The following INPP5D variants were observed in gnomAD, a reference collection of about 807,000 sequenced individuals.
INPP5D encodes phosphatidylinositol 3,4,5-trisphosphate 5-phosphatase 1.
In INPP5D, 33 loss-of-function variants were observed where a neutral mutation model predicts 122.9. The ratio of observed to expected loss-of-function variants is 0.27; its 90% CI spans 0.20 to 0.36. INPP5D has a LOEUF of 0.36. Among genes scored for constraint, INPP5D ranks in the 10% least tolerant of loss-of-function variants. The pLI is 1.00. For synonymous variants in INPP5D, 584 were observed against 576.2 expected (o/e 1.01, Z -0.19); for missense variants, 1,053 against 1,412.7 (o/e 0.75, Z 4.08).
chr2:233,205,886 CT>C (rs56235204), intron 26 of INPP5D, among the ~76,000 whole-genome samples: 29,576 of 151,732 alleles, frequency 0.19, 3,006 homozygotes, highest in East Asian at 0.36. Context: ...CAAGACCAGC[CT>C]AACCAATATG....
chr2:233,111,339 A>G (rs1285119347), intron 2 of INPP5D, among the ~76,000 whole-genome samples: 1 of 152,102 alleles, frequency 6.6e-6, no homozygotes, highest in Non-Finnish European at 1.5e-5. Context: ...TGGAAGTTAT[A>G]TATAACTTTT....
intron 3 of INPP5D, among the ~76,000 whole-genome samples, chr2:233,122,656 A>C (rs1265836893): frequency 6.6e-6 from 1 of 152,216 alleles, no homozygotes; most frequent in Non-Finnish European, 1.5e-5. Context: ...TTTTTAAAAA[A>C]TTTATTCAGG....
rs768273019 is a variant in INPP5D at position 233,114,889 on chromosome 2, CAG to C, written c.199-7215_199-7214del. Among the ~76,000 whole-genome samples, 176 of 149,454 alleles carry C rather than the reference CAG, an allele frequency of 1.2e-3. 1 individual carries two copies. The East Asian group carries it at 0.029, about 24-fold the overall frequency. Reference sequence around the variant, plus strand: ...GTTTCCACTTTTTTTTTTTTTTAGACAGAGTTTCGCTCTTGTCACCCAGGCTG... The same window carrying C: ...GTTTCCACTTTTTTTTTTTTTTAGACAGTTTCGCTCTTGTCACCCAGGCTG... On this transcript the variant is annotated intron_variant, in intron 2 of 26. Coordinates refer to ENST00000445964, the MANE Select transcript of INPP5D (RefSeq NM_001017915.3).
At chr2:233,092,311 T>C (rs1692014109) in intron 2 of INPP5D, among the ~76,000 whole-genome samples, 1 of 152,136 alleles carries the variant, frequency 6.6e-6, no homozygotes. Context: ...TTCCCCAGAG[T>C]ACCTCAAGAG....
At chr2:233,135,192 C>CT (rs56018008) in intron 5 of INPP5D, among the ~76,000 whole-genome samples, 71,707 of 146,790 alleles carry the variant, frequency 0.49, 17,961 homozygotes, top group African/African-American at 0.59. Context: ...ACTGAAACAT[C>CT]TTTTTTTTTT....
At chr2:233,118,238 C>T (rs907696406) in intron 2 of INPP5D, among the ~76,000 whole-genome samples, 12 of 152,176 alleles carry the variant, frequency 7.9e-5, no homozygotes, top group African/African-American at 2.7e-4. Context: ...GACTCCTCCC[C>T]CTACCGGCCA....
intron 2 of INPP5D, among the ~76,000 whole-genome samples, chr2:233,110,975 A>T (rs143029263): frequency 5.3e-4 from 81 of 151,866 alleles, no homozygotes; most frequent in African/African-American, 1.9e-3. Flanking sequence ...CAGTTATTTT[A>T]AAAAAAGATA....
chr2:233,106,504 A>G (rs897186106), intron 2 of INPP5D, among the ~76,000 whole-genome samples: 1 of 152,158 alleles, frequency 6.6e-6, no homozygotes, highest in East Asian at 1.9e-4. Context: ...CAAGCCCAAC[A>G]TCAGTGGGGC....
chr2:233,132,093 T>A (rs564230025), intron 5 of INPP5D, among the ~76,000 whole-genome samples: 19 of 152,316 alleles, frequency 1.2e-4, no homozygotes, highest in African/African-American at 3.6e-4. Context: ...TAGATTCCCA[T>A]GGAGGGATTT....
At chr2:233,071,925 T>G (rs1289462405) in intron 1 of INPP5D, among the ~76,000 whole-genome samples, 1 of 152,234 alleles carries the variant, frequency 6.6e-6, no homozygotes, top group African/African-American at 2.4e-5. Context: ...TTGACTCTCA[T>G]GTTTGACTCT....
In INPP5D at chr2:233,173,208, CAAA is replaced by C. The variant is rs199492575; in HGVS notation, c.1989+2073_1989+2075del. Reference sequence around the variant, plus strand: ...TGGGTGACAGAGCAAGACTGTGTCTCAAAAAAAAAAAAAAAAAAAGAAGGTGGT... The same window carrying C: ...TGGGTGACAGAGCAAGACTGTGTCTCAAAAAAAAAAAAAAAAGAAGGTGGT... On this transcript the variant is annotated intron_variant, in intron 17 of 26. Coordinates refer to ENST00000445964, the MANE Select transcript of INPP5D (RefSeq NM_001017915.3). Among the ~76,000 whole-genome samples the C allele has an allele frequency of 5.5e-4, 55 of 100,028 alleles. 1 individual carries two copies. In the Middle Eastern group the frequency reaches 0.022, roughly 41 times the overall value. The allele number at this position is 100,028 out of a possible 152,430, so 65.6% of individuals were successfully genotyped here. A position where few individuals can be genotyped will look rare whatever the true frequency, so the allele number is the denominator to read the frequency against.
At chr2:233,085,309 C>T (rs1436640022) in intron 2 of INPP5D, among the ~76,000 whole-genome samples, 1 of 151,842 alleles carries the variant, frequency 6.6e-6, no homozygotes, top group African/African-American at 2.4e-5. Flanking sequence ...TCGCTTGAAC[C>T]TGAGAGGCAG....
chr2:233,150,361 G>T (rs1429916737), intron 9 of INPP5D, among the ~76,000 whole-genome samples: 3 of 152,162 alleles, frequency 2.0e-5, no homozygotes, highest in Admixed American at 6.5e-5. Flanking sequence ...ACGTGACTTT[G>T]CTCCTCCTTT....
intron 4 of INPP5D, 33 bp from the exon 5 acceptor site, chr2:233,130,475 A>G (rs775500361): frequency 6.2e-7 from 1 of 1,608,816 alleles, no homozygotes; most frequent in Non-Finnish European, 8.5e-7. Flanking sequence ...AGAAACAGGC[A>G]AGCATAGTTT....
At chr2:233,089,890 G>C (rs1297631926) in intron 2 of INPP5D, among the ~76,000 whole-genome samples, 2 of 152,170 alleles carry the variant, frequency 1.3e-5, no homozygotes, top group African/African-American at 4.8e-5. Flanking sequence ...ACAGTGCAAG[G>C]AGCTCCCCTC....
intron 14 of INPP5D, 112 bp from the exon 15 acceptor site, chr2:233,169,913 TC>T: frequency 6.4e-7 from 1 of 1,559,660 alleles, no homozygotes; most frequent in Non-Finnish European, 8.7e-7. Flanking sequence ...AAGTCTCACT[TC>T]CCCCCACCTG....
At position 233,161,921 on chromosome 2, in the gene INPP5D, G is replaced by A. The variant is rs952940596; in HGVS notation, c.1240+95G>A. ...GGTGGGGTGGAGTGACGACATCCAT[G>A]TCCCCTTCCTTCCTGCCCCAGGGCC... On this transcript the variant is annotated intron_variant, in intron 11 of 26. Coordinates refer to ENST00000445964, the MANE Select transcript of INPP5D (RefSeq NM_001017915.3). The A allele has an allele frequency of 4.7e-5, 70 of 1,490,016 alleles. No individual in the cohort carries two copies. In the Admixed American group the frequency reaches 1.5e-3, roughly 31 times the overall value. The allele number at this position is 1,490,016 out of a possible 1,614,324, so 92.3% of individuals were successfully genotyped here.
chr2:233,114,063 A>C (rs1248220823), intron 2 of INPP5D, among the ~76,000 whole-genome samples: 3 of 152,048 alleles, frequency 2.0e-5, no homozygotes, highest in Non-Finnish European at 2.9e-5. Flanking sequence ...GGCGCCACCA[A>C]CACGCCCAGC....
rs1165551418 is a variant in INPP5D, at chr2:233,189,521, C to T, written c.2359-329C>T. On this transcript the variant is annotated intron_variant, in intron 21 of 26. Transcript: ENST00000445964. This position sits in a 1 kb window ranked among gnomAD's most constrained non-coding sequence, Gnocchi z 5.6. ...CGCCAGCCTGCCTTCTCCTCTATGA[C>T]CCTGGCCTAGGGATGGGAAGGAACG... is the stretch of plus-strand genomic sequence containing the variant. Among the ~76,000 whole-genome samples the T allele has an allele frequency of 6.6e-6, 1 of 152,162 alleles. No individual in the cohort carries two copies. Among genetic ancestry groups the T allele is most frequent in the African/African-American group, 2.4e-5 (1 of 41,442 alleles).
Sources: gnomAD v4.1 joint callset for allele counts (sites outside exome capture counted in the v4.1 genomes callset) on GRCh38, gnomAD v4.1.1 for gene constraint, Gnocchi (gnomAD v3.1) non-coding constraint, MANE v1.5 for transcripts, NCBI Gene and HGNC (gene_info 2026-07-23, HGNC 2026-07-21) for gene names.